FAM47E: variants seen among roughly 807,000 people sequenced by gnomAD.
FAM47E encodes protein FAM47E.
In FAM47E, 32 loss-of-function variants were observed where a neutral mutation model predicts 41.6. That is an observed-to-expected ratio of 0.77 (90% CI 0.58 to 1.03). FAM47E has a LOEUF of 1.03. Ranked by LOEUF, FAM47E falls within the 50% of genes least tolerant of loss-of-function variation. The pLI is 0.00. For missense variants in FAM47E, 424 were observed against 485.4 expected, an observed-to-expected ratio of 0.87 and a Z score of 1.19; for synonymous variants, 184 against 188.7, an observed-to-expected ratio of 0.98 and a Z score of 0.20.
intron 2 of FAM47E, among the ~76,000 whole-genome samples, chr4:76,240,805 AT>A (rs1487259789): frequency 6.6e-6 from 1 of 151,758 alleles, no homozygotes; most frequent in Non-Finnish European, 1.5e-5. Flanking sequence ...TTCATACATC[AT>A]TTTCTTGACA....
At chr4:76,263,938 T>C in intron 3 of FAM47E, 95 bp downstream of exon 3, 1 of 1,466,738 alleles carries the variant, frequency 6.8e-7, no homozygotes, top group Non-Finnish European at 9.1e-7. Flanking sequence ...AGAATACTTC[T>C]AATGAAGCAA....
At chr4:76,277,982 C>A in intron 5 of FAM47E, 87 bp from the exon 6 acceptor site, 1 of 1,367,782 alleles carries the variant, frequency 7.3e-7, no homozygotes, top group Admixed American at 3.5e-5. Context: ...AAGTAATGAT[C>A]CTGCTCTCCT....
chr4:76,233,956 A>G (rs766015303), intron 2 of FAM47E, among the ~76,000 whole-genome samples: 3 of 152,254 alleles, frequency 2.0e-5, no homozygotes, highest in Non-Finnish European at 4.4e-5. Context: ...AAAAAAGTTT[A>G]AAAAATGCCT....
chr4:76,237,351 G>GTT (rs71924228), intron 2 of FAM47E, among the ~76,000 whole-genome samples: 1 of 141,816 alleles, frequency 7.1e-6, no homozygotes, highest in African/African-American at 2.6e-5. Flanking sequence ...GGGCCTTAGA[G>GTT]TTTTTTTTTT....
chr4:76,283,605 C>T lies in FAM47E; in HGVS notation c.*147C>T. ...CTTGGCAACATCTGTAAATGTAATA[C>T]CTGATGGTTATAAGCATTTCTCAAT... On this transcript the variant is annotated 3_prime_UTR_variant, in exon 8 of 8. Transcript: ENST00000424749. 1 of 580,946 alleles carries T rather than the reference C, an allele frequency of 1.7e-6. No homozygotes were observed. The allele number at this position is 580,946 out of a possible 1,614,324, so 36.0% of individuals were successfully genotyped here. A position where few individuals can be genotyped will look rare whatever the true frequency, so the allele number is the denominator to read the frequency against.
At chr4:76,282,130 CTAACAGAATCT>C (rs1735379063) in intron 7 of FAM47E, 1 of 152,164 alleles carries the variant, frequency 6.6e-6, no homozygotes, top group Non-Finnish European at 1.5e-5. Flanking sequence ...TCAATAATTT[CTAACAGAATCT>C]TAAAATAGAA....
chr4:76,269,404 C>G, intron 4 of FAM47E: 1 of 152,182 alleles, frequency 6.6e-6, no homozygotes, highest in East Asian at 1.9e-4. Flanking sequence ...ATCACAAGGT[C>G]AGGAGTTTGA....
At chr4:76,221,377 G>T (rs183152694) in intron 2 of FAM47E, among the ~76,000 whole-genome samples, 1 of 152,292 alleles carries the variant, frequency 6.6e-6, no homozygotes, top group Non-Finnish European at 1.5e-5. Flanking sequence ...GGAGTGCAGT[G>T]GTGCAATCTC....
At position 76,271,683 on chromosome 4, in the gene FAM47E, TA is replaced by T; in HGVS notation, c.788del (p.Lys263SerfsTer18). 1 of 1,552,010 alleles carries T rather than the reference TA, an allele frequency of 6.4e-7. No homozygotes were observed. Among genetic ancestry groups the T allele is most frequent in the Non-Finnish European group, 8.7e-7 (1 of 1,147,056 alleles). On this transcript the variant is annotated frameshift_variant, in exon 5 of 8. Transcript: ENST00000424749. LOFTEE classifies it high-confidence loss of function. Reference sequence around the variant, plus strand: ...AAGCTAAATCAGGTTCCTCTGGAGCTAAAGCGTAGTGTGGGGCTCAGTAAAC... The same window carrying T: ...AAGCTAAATCAGGTTCCTCTGGAGCTAAGCGTAGTGTGGGGCTCAGTAAAC... ...TMKLNQVPLELKRSVGLSKLQ... is the reference protein window; with the variant it reads ...TMKLNQVPLEXKRSVGLSKLQ...
At chr4:76,266,504 C>A (rs1366133045) in intron 3 of FAM47E, among the ~76,000 whole-genome samples, 1 of 152,190 alleles carries the variant, frequency 6.6e-6, no homozygotes, top group Non-Finnish European at 1.5e-5. Context: ...CAGAATCTCA[C>A]CTTCTCCACT....
chr4:76,215,268 T>C (rs1198535825), intron 1 of FAM47E, among the ~76,000 whole-genome samples: 1 of 152,226 alleles, frequency 6.6e-6, no homozygotes, highest in African/African-American at 2.4e-5. Flanking sequence ...CATTTTACAC[T>C]CAAGAACACT....
chr4:76,217,702 A>G, intron 2 of FAM47E: 1 of 580,634 alleles, frequency 1.7e-6, no homozygotes, highest in Non-Finnish European at 3.1e-6. Context: ...TTGTTATAGC[A>G]ACACAAACAG....
chr4:76,238,904 A>G (rs929342991), intron 2 of FAM47E, among the ~76,000 whole-genome samples: 4 of 152,156 alleles, frequency 2.6e-5, no homozygotes, highest in African/African-American at 7.2e-5. Flanking sequence ...TCATTAAGCA[A>G]TAACTCCCAT....
chr4:76,255,618 A>G (rs775383041), intron 1 of FAM47E, among the ~76,000 whole-genome samples: 4 of 152,148 alleles, frequency 2.6e-5, no homozygotes, highest in African/African-American at 4.8e-5. Flanking sequence ...TTCCCGCTCA[A>G]CTGCACTCTG....
chr4:76,218,444 G>A (rs1313416160), intron 2 of FAM47E, among the ~76,000 whole-genome samples: 1 of 152,176 alleles, frequency 6.6e-6, no homozygotes, highest in Non-Finnish European at 1.5e-5. Context: ...TATATCACAT[G>A]CACCTGTGCC....
Position 76,271,730 on chromosome 4 carries a change from C to T in FAM47E, c.832C>T (p.Gln278Ter), listed in dbSNP as rs1331271298. 1 of 1,551,524 alleles carries T rather than the reference C, an allele frequency of 6.4e-7. No homozygotes were observed. The highest frequency in any genetic ancestry group is 8.7e-7 in the Non-Finnish European group (1 of 1,146,968). Reference sequence around the variant, plus strand: ...TAAACTGCAGGAGACAGAGTTCTTCCAGAAACTAGGCTATGAGAGGAAACT... The same window carrying T: ...TAAACTGCAGGAGACAGAGTTCTTCTAGAAACTAGGCTATGAGAGGAAACT... ...LSKLQETEFF[Q>*]KLGYERKLQK... The change falls in exon 5 of 8, where the codon CAG (glutamine) becomes TAG (stop). Residue 278 changes from glutamine to a stop codon, truncating the protein, a stop_gained. Transcript: ENST00000424749. LOFTEE classifies it high-confidence loss of function.
At chr4:76,220,210 G>A (rs1733284644) in intron 2 of FAM47E, among the ~76,000 whole-genome samples, 1 of 152,212 alleles carries the variant, frequency 6.6e-6, no homozygotes, top group Admixed American at 6.5e-5. Context: ...TTGTAAACCA[G>A]TGTTCATAGC....
At chr4:76,266,494 C>T (rs995178687) in intron 3 of FAM47E, among the ~76,000 whole-genome samples, 3 of 152,088 alleles carry the variant, frequency 2.0e-5, no homozygotes, top group Admixed American at 6.6e-5. Context: ...GAAATGTATC[C>T]AGAATCTCAC....
chr4:76,263,897 A>G, intron 3 of FAM47E, 54 bp downstream of exon 3: 1 of 1,529,962 alleles, frequency 6.5e-7, no homozygotes, highest in Non-Finnish European at 8.8e-7. Context: ...GAAACATTCT[A>G]GGAATTACCT....
Sources: gnomAD v4.1 joint callset for allele counts (sites outside exome capture counted in the v4.1 genomes callset) on GRCh38, gnomAD v4.1.1 for gene constraint, MANE v1.5 for transcripts, NCBI Gene and HGNC (gene_info 2026-07-23, HGNC 2026-07-21) for gene names.